FANCL: variants seen among roughly 807,000 people sequenced by gnomAD.
FANCL encodes FA complementation group L.
Under a neutral mutation model 59.4 loss-of-function variants are expected in FANCL, and 69 were observed. That is an observed-to-expected ratio of 1.16 (90% CI 0.96 to 1.42). The LOEUF is 1.42. Among genes scored for constraint, FANCL ranks in the 40% most tolerant of loss-of-function variants. FANCL has a pLI of 0.00. For synonymous variants in FANCL, 180 were observed against 147.1 expected, an observed-to-expected ratio of 1.22 and a Z score of -1.62; for missense variants, 519 against 447.2, an observed-to-expected ratio of 1.16 and a Z score of -1.45.
At chr2:58,198,526 T>C (rs1689666711) in intron 7 of FANCL, 68 bp downstream of exon 7, 1 of 1,325,396 alleles carries the variant, frequency 7.5e-7, no homozygotes, top group East Asian at 2.3e-5. Flanking sequence ...CCCCCATGGA[T>C]ACTCTGGGAC....
rs149094519 is a variant in FANCL, at chr2:58,188,432, G to T, written c.540+10162C>A. Among the ~76,000 whole-genome samples, 117 of 151,570 alleles carry T rather than the reference G, an allele frequency of 7.7e-4. 1 individual carries two copies. The highest frequency in any genetic ancestry group is 3.3e-4 in the Admixed American group (5 of 15,200). Reference sequence around the variant, plus strand: ...TTGGAATAATTCTCTTAATTTCGGGGTTTTTTTGTTTTTTGGTTTTTTTTT... The same window carrying T: ...TTGGAATAATTCTCTTAATTTCGGGTTTTTTTTGTTTTTTGGTTTTTTTTT... On this transcript the variant is annotated intron_variant, in intron 7 of 13. Transcript: ENST00000233741.
intron 5 of FANCL, among the ~76,000 whole-genome samples, chr2:58,206,687 A>G (rs1690618500): frequency 1.3e-5 from 2 of 152,314 alleles, no homozygotes; most frequent in South Asian, 2.1e-4. Context: ...GAGGTAATAC[A>G]CTACAGAAAA....
chr2:58,241,348 G>A (rs368688452), upstream of FANCL: 272 of 1,600,978 alleles, frequency 1.7e-4, no homozygotes, highest in Non-Finnish European at 2.1e-4. Context: ...AAAAGCTCTA[G>A]ACCTGCTGGG....
At chr2:58,213,825 GGT>G (rs1014656581) in intron 5 of FANCL, 13 of 151,998 alleles carry the variant, frequency 8.6e-5, no homozygotes, top group African/African-American at 2.9e-4. Flanking sequence ...ACTCTCCAAG[GGT>G]GTGTTAATTT....
chr2:58,171,675 C>A (rs1055702957), intron 7 of FANCL, among the ~76,000 whole-genome samples: 1 of 152,166 alleles, frequency 6.6e-6, no homozygotes, highest in Admixed American at 6.5e-5. Context: ...CCAGGGTGAG[C>A]GACGCAGAAG....
chr2:58,211,809 T>C (rs749228059), intron 5 of FANCL, among the ~76,000 whole-genome samples: 4 of 152,150 alleles, frequency 2.6e-5, no homozygotes, highest in African/African-American at 4.8e-5. Context: ...AGAGTAACCT[T>C]TGCTCCAGTT....
intron 7 of FANCL, among the ~76,000 whole-genome samples, chr2:58,191,915 T>G (rs1038443150): frequency 1.3e-5 from 2 of 151,922 alleles, no homozygotes; most frequent in Admixed American, 1.3e-4. Context: ...ACACAGATAT[T>G]CTTTCTCTCT....
intron 5 of FANCL, among the ~76,000 whole-genome samples, chr2:58,216,039 CAA>C (rs1260827304): frequency 1.3e-5 from 2 of 152,060 alleles, no homozygotes; most frequent in South Asian, 4.1e-4. Context: ...GCAATGCTAA[CAA>C]AAAGTGATAG....
At position 58,162,934 on chromosome 2, in the gene FANCL, T is replaced by C. The variant is rs761327399; in HGVS notation, c.835A>G (p.Ser279Gly). ...ACATCTTTCAAATTTTGTAACACAC[T>C]ATTTTCTGGATCCCTGAAAGCATGG... ...RNIHLWDPEN[S>G]VLQNLKDVLE... is the part of the protein sequence containing the mutation. The change falls in exon 11 of 14, where the codon AGT (serine) becomes GGT (glycine). Residue 279 changes from serine (S) to glycine (G), a missense_variant. Ser to Gly is a moderately conservative substitution (Grantham distance 56). Coordinates refer to ENST00000233741, the MANE Select transcript of FANCL (RefSeq NM_018062.4). The C allele has an allele frequency of 6.2e-7, 1 of 1,613,014 alleles. No individual in the cohort carries two copies. The highest frequency in any genetic ancestry group is 8.5e-7 in the Non-Finnish European group (1 of 1,179,192).
At chr2:58,233,090 C>G (rs957544571) in intron 1 of FANCL, among the ~76,000 whole-genome samples, 1 of 151,984 alleles carries the variant, frequency 6.6e-6, no homozygotes, top group African/African-American at 2.4e-5. Context: ...ACAAAATGTA[C>G]TACTGACCTT....
chr2:58,219,110 T>G (rs1359780388), intron 5 of FANCL, among the ~76,000 whole-genome samples: 1 of 104,102 alleles, frequency 9.6e-6, no homozygotes, highest in Non-Finnish European at 1.9e-5. Context: ...TATACAAAAT[T>G]TCTTTCAGTG....
At chr2:58,217,941 G>A (rs1692015863) in intron 5 of FANCL, among the ~76,000 whole-genome samples, 1 of 152,028 alleles carries the variant, frequency 6.6e-6, no homozygotes. Context: ...AATTGACAAG[G>A]TGCTGGGTCA....
In FANCL at chr2:58,159,686, T is replaced by TTCTC; in HGVS notation, c.*75_*78dup. 6.2e-7 allele frequency: 1 copy of TTCTC among 1,612,662 alleles called. No individual in the cohort carries two copies. The highest frequency in any genetic ancestry group is 8.5e-7 in the Non-Finnish European group (1 of 1,179,452). ...ATGTTAGTATTTCTTGCTTTATTTT[T>TTCTC]TCTCTGAAGATGATACCAAAATTCC... On this transcript the variant is annotated 3_prime_UTR_variant, in exon 14 of 14. Coordinates refer to ENST00000233741, the MANE Select transcript of FANCL (RefSeq NM_018062.4).
At chr2:58,182,519 T>C (rs1044860569) in intron 7 of FANCL, among the ~76,000 whole-genome samples, 14 of 151,856 alleles carry the variant, frequency 9.2e-5, no homozygotes, top group East Asian at 1.9e-4. Flanking sequence ...ATTCCTGCGA[T>C]AAATTTTGGA....
intron 1 of FANCL, among the ~76,000 whole-genome samples, chr2:58,240,586 A>T (rs1305297752): frequency 6.6e-6 from 1 of 152,198 alleles, no homozygotes; most frequent in Non-Finnish European, 1.5e-5. Flanking sequence ...TAAGTGAACT[A>T]TTTACCTGGA....
intron 7 of FANCL, among the ~76,000 whole-genome samples, chr2:58,171,343 A>C (rs966765796): frequency 6.6e-6 from 1 of 152,224 alleles, no homozygotes; most frequent in African/African-American, 2.4e-5. Context: ...GAACAAAGAC[A>C]CAATGTACCA....
At chr2:58,169,787 C>T (rs927773147) in intron 7 of FANCL, among the ~76,000 whole-genome samples, 1 of 151,298 alleles carries the variant, frequency 6.6e-6, no homozygotes, top group African/African-American at 2.4e-5. Flanking sequence ...ATCAATCAAG[C>T]GGAAGAAAGG....
chr2:58,160,251 CTTTGTT>C (rs1684927859), intron 12 of FANCL, 72 bp from the exon 13 acceptor site: 78 of 1,482,006 alleles, frequency 5.3e-5, no homozygotes, highest in Non-Finnish European at 7.4e-5. Flanking sequence ...ATGTCATTCC[CTTTGTT>C]TTTAAGTGCA....
chr2:58,198,756 G>A (rs905779087), intron 6 of FANCL, 94 bp from the exon 7 acceptor site: 19 of 973,774 alleles, frequency 2.0e-5, no homozygotes, highest in Admixed American at 5.7e-5. Context: ...GGGGCCGGGC[G>A]CGGTGGCTCA....
Sources: gnomAD v4.1 joint callset for allele counts (sites outside exome capture counted in the v4.1 genomes callset) on GRCh38, gnomAD v4.1.1 for gene constraint, MANE v1.5 for transcripts, NCBI Gene and HGNC (gene_info 2026-07-23, HGNC 2026-07-21) for gene names.